AGBL4: variants seen among roughly 807,000 people sequenced by gnomAD.
AGBL4 encodes AGBL carboxypeptidase 4.
A neutral mutation model predicts 66.4 loss-of-function variants in AGBL4; 58 were observed. That is an observed-to-expected ratio of 0.87 (90% CI 0.71 to 1.09). The LOEUF (loss-of-function observed/expected upper bound fraction) is 1.09, where lower values mean the gene tolerates loss of function less well. Ranked by LOEUF, AGBL4 falls within the 50% of genes least tolerant of loss-of-function variation. AGBL4 has a pLI of 0.00. For synonymous variants in AGBL4, 234 were observed against 222.9 expected, an observed-to-expected ratio of 1.05 and a Z score of -0.44; for missense variants, 579 against 631.0, an observed-to-expected ratio of 0.92 and a Z score of 0.88.
chr1:48,627,551 C>T (rs551942314), intron 9 of AGBL4, among the ~76,000 whole-genome samples: 1 of 149,456 alleles, frequency 6.7e-6, no homozygotes, highest in East Asian at 2.0e-4. Flanking sequence ...AGAAAGAGAG[C>T]AGCTTATCTT....
At chr1:49,379,168 C>T (rs1431012320) in intron 3 of AGBL4, among the ~76,000 whole-genome samples, 1 of 152,086 alleles carries the variant, frequency 6.6e-6, no homozygotes, top group Non-Finnish European at 1.5e-5. Context: ...AATTCTCATC[C>T]TGAAAAGCTC....
chr1:48,640,934 C>T (rs1198766634), intron 8 of AGBL4, among the ~76,000 whole-genome samples: 1 of 152,148 alleles, frequency 6.6e-6, no homozygotes, highest in Non-Finnish European at 1.5e-5. Flanking sequence ...CAATTCCCCT[C>T]CTTATGATTT....
intron 5 of AGBL4, among the ~76,000 whole-genome samples, chr1:48,972,014 A>G (rs1270028772): frequency 3.3e-5 from 5 of 152,192 alleles, no homozygotes; most frequent in Non-Finnish European, 7.4e-5. Context: ...CTCTGCATTG[A>G]GAGAATGATC....
chr1:49,616,568 G>A (rs1420848760), intron 3 of AGBL4, among the ~76,000 whole-genome samples: 5 of 152,014 alleles, frequency 3.3e-5, no homozygotes, highest in African/African-American at 1.2e-4. Flanking sequence ...GTACATTGAT[G>A]GCTTCCAATT....
At chr1:48,894,386 TG>T (rs1183028142) in intron 5 of AGBL4, among the ~76,000 whole-genome samples, 1 of 152,198 alleles carries the variant, frequency 6.6e-6, no homozygotes, top group Non-Finnish European at 1.5e-5. Flanking sequence ...GTTAAGAACT[TG>T]GGTTGGAATC....
chr1:49,715,059 C>T (rs890984505), intron 2 of AGBL4, among the ~76,000 whole-genome samples: 23 of 151,804 alleles, frequency 1.5e-4, no homozygotes, highest in East Asian at 1.9e-4. Context: ...AGTGGTTTGC[C>T]GCACCCATCA....
chr1:48,700,467 G>A (rs1646784130), intron 6 of AGBL4, among the ~76,000 whole-genome samples: 1 of 152,184 alleles, frequency 6.6e-6, no homozygotes, highest in Non-Finnish European at 1.5e-5. Flanking sequence ...CAGCTATCAA[G>A]GGCTTCACTT....
chr1:48,938,908 T>C (rs1330578206), intron 5 of AGBL4, among the ~76,000 whole-genome samples: 2 of 152,220 alleles, frequency 1.3e-5, no homozygotes, highest in African/African-American at 4.8e-5. Context: ...CCCTGTGCCA[T>C]AGACTGTGCT....
At chr1:49,697,471 T>C (rs1409402890) in intron 2 of AGBL4, 34 bp from the exon 3 acceptor site, 2 of 1,462,928 alleles carry the variant, frequency 1.4e-6, no homozygotes, top group Admixed American at 2.0e-5. Flanking sequence ...TGGATTTTAA[T>C]AGAAGTTCAT....
chr1:48,865,172 C>G (rs188147537), intron 6 of AGBL4, among the ~76,000 whole-genome samples: 1 of 152,078 alleles, frequency 6.6e-6, no homozygotes, highest in Admixed American at 6.5e-5. Context: ...TGCTGCAGCT[C>G]CTGGTGAGAT....
rs944329375 is a variant in AGBL4 at position 49,596,236 on chromosome 1, C to T, written c.282+101077G>A. Among the ~76,000 whole-genome samples the T allele has an allele frequency of 7.2e-5, 11 of 152,246 alleles. No individual in the cohort carries two copies. In the East Asian group the frequency reaches 7.7e-4, roughly 11 times the overall value. On this transcript the variant is annotated intron_variant, in intron 3 of 13. Coordinates refer to ENST00000371839, the MANE Select transcript of AGBL4 (RefSeq NM_032785.4). ...GGCTGGAGTGCAAGTGGCGCAATCT[C>T]GGCTCACTGCAACCTCTGCCTCATG...
chr1:49,860,967 T>C (rs1479256345), intron 1 of AGBL4, among the ~76,000 whole-genome samples: 1 of 151,438 alleles, frequency 6.6e-6, no homozygotes, highest in Non-Finnish European at 1.5e-5. Context: ...AGCTACAGAG[T>C]GGTGCAAAGA....
At chr1:49,007,805 T>C (rs1661991892) in intron 5 of AGBL4, among the ~76,000 whole-genome samples, 2 of 151,686 alleles carry the variant, frequency 1.3e-5, no homozygotes, top group Non-Finnish European at 2.9e-5. Flanking sequence ...AGAAATAAAA[T>C]ACTTTACAGA....
intron 3 of AGBL4, among the ~76,000 whole-genome samples, chr1:49,384,277 A>G (rs1644687201): frequency 6.6e-6 from 1 of 152,118 alleles, no homozygotes. Context: ...AAAATTCGGA[A>G]GAGACAATTG....
intron 2 of AGBL4, among the ~76,000 whole-genome samples, chr1:49,805,396 A>G (rs1557464628): frequency 6.6e-6 from 1 of 152,036 alleles, no homozygotes; most frequent in Non-Finnish European, 1.5e-5. Context: ...TTACAGCCAG[A>G]CAACTCTATA....
chr1:49,990,111 A>AAAAGAAAAAGC, intron 1 of AGBL4, among the ~76,000 whole-genome samples: 1 of 152,320 alleles, frequency 6.6e-6, no homozygotes, highest in East Asian at 1.9e-4. Flanking sequence ...AACAAATTAA[A>AAAAGAAAAAGC]AAAGAAAAAG....
chr1:49,663,445 C>T (rs1480537543), intron 3 of AGBL4, among the ~76,000 whole-genome samples: 1 of 152,110 alleles, frequency 6.6e-6, no homozygotes, highest in Non-Finnish European at 1.5e-5. Flanking sequence ...CAGATGGATA[C>T]AGAAGGCTTT....
intron 2 of AGBL4, among the ~76,000 whole-genome samples, chr1:49,757,539 C>T (rs1360977254): frequency 1.3e-5 from 2 of 152,148 alleles, no homozygotes; most frequent in Non-Finnish European, 2.9e-5. Context: ...TTCCTAGAGA[C>T]TTGTTGAATG....
intron 4 of AGBL4, among the ~76,000 whole-genome samples, chr1:49,050,422 T>A (rs1571326282): frequency 6.6e-6 from 1 of 152,224 alleles, no homozygotes; most frequent in East Asian, 1.9e-4. Flanking sequence ...ATATTGTTCA[T>A]CTCTAGTTCT....
Sources: allele counts gnomAD v4.1 joint callset (sites outside exome capture counted in the v4.1 genomes callset), GRCh38; gene constraint gnomAD v4.1.1; transcripts MANE v1.5; gene names NCBI Gene and HGNC (gene_info 2026-07-23, HGNC 2026-07-21).